FREM2: variants seen among roughly 807,000 people sequenced by gnomAD.
The protein encoded by FREM2 is FRAS1 related extracellular matrix 2, also known as FRAS1-related extracellular matrix protein 2.
A neutral mutation model predicts 219.9 loss-of-function variants in FREM2; 119 were observed. The observed-to-expected ratio is 0.54, with a 90% CI of 0.47 to 0.63. The LOEUF (loss-of-function observed/expected upper bound fraction) is 0.63, where lower values mean the gene tolerates loss of function less well. Among genes scored for constraint, FREM2 ranks in the 30% least tolerant of loss-of-function variants. The pLI is 0.00. For synonymous variants in FREM2, 1,562 were observed against 1,522.8 expected (o/e 1.03, Z -0.60); for missense variants, 4,030 against 3,993.6 (o/e 1.01, Z -0.25).
chr13:38,742,685 C>T (rs2137782409), intron 2 of FREM2, among the ~76,000 whole-genome samples: 1 of 152,250 alleles, frequency 6.6e-6, no homozygotes, highest in South Asian at 2.1e-4. Context: ...TGTGGGGCTT[C>T]CCAGTGAGGT....
At chr13:38,701,408 G>C (rs545533053) in intron 2 of FREM2, among the ~76,000 whole-genome samples, 1 of 152,168 alleles carries the variant, frequency 6.6e-6, no homozygotes, top group East Asian at 1.9e-4. Flanking sequence ...ATATCTTCAC[G>C]AAGGTAACTT....
rs149238813 is a variant in FREM2 at position 38,778,707 on chromosome 13, C to T, written c.5642-4363C>T. ...TAACCAATGAGTACTAGGCTTAACA[C>T]CTGGGTGATGAAATAATCTGTGCAG... is the stretch of plus-strand genomic sequence containing the variant. On this transcript the variant is annotated intron_variant, in intron 4 of 23. Coordinates refer to ENST00000280481, the MANE Select transcript of FREM2 (RefSeq NM_207361.6). Among the ~76,000 whole-genome samples, 834 of 152,176 alleles carry T rather than the reference C, an allele frequency of 5.5e-3. 8 individuals are homozygous for T. The highest frequency in any genetic ancestry group is 0.019 in the African/African-American group (769 of 41,512).
chr13:38,786,220 C>G (rs1874323736), intron 6 of FREM2, among the ~76,000 whole-genome samples: 1 of 152,150 alleles, frequency 6.6e-6, no homozygotes, highest in African/African-American at 2.4e-5. Context: ...CATCTTTCCT[C>G]CCTTCCCAGC....
At chr13:38,841,473 G>T (rs1173152999) in intron 6 of FREM2, among the ~76,000 whole-genome samples, 2 of 152,006 alleles carry the variant, frequency 1.3e-5, no homozygotes, top group Non-Finnish European at 2.9e-5. Context: ...TGGAGATGAG[G>T]CCCTAGCGTC....
At position 38,784,794 on chromosome 13, in the gene FREM2, C is replaced by T. The variant is rs141285991; in HGVS notation, c.6005C>T (p.Pro2002Leu). The T allele has an allele frequency of 5.0e-6, 8 of 1,614,134 alleles. No individual in the cohort carries two copies. The African/African-American group carries it at 1.1e-4, about 22-fold the overall frequency. The change falls in exon 6 of 24, where the codon CCT becomes CTT. Residue 2002 changes from proline (P) to leucine (L), a missense_variant. Physicochemically the swap from Pro to Leu is moderately conservative, Grantham distance 98. Coordinates refer to ENST00000280481, the MANE Select transcript of FREM2 (RefSeq NM_207361.6). The part of the protein sequence containing the change: ...EFPGAQVTIV[P>L]DKDDEPIFYF... ...CCAGGGGCTCAAGTTACAATCGTTC[C>T]TGACAAAGATGATGGTGAGTACTAA...
Position 38,883,217 on chromosome 13 carries a change from A to T in FREM2, c.*2430A>T, listed in dbSNP as rs1457951687. ...AAATATAAAGTACTTGGGATTTTGC[A>T]TTATTTTTCTTAATATCTATTTACT... On this transcript the variant is annotated 3_prime_UTR_variant, in exon 24 of 24. Coordinates refer to ENST00000280481, the MANE Select transcript of FREM2 (RefSeq NM_207361.6). 6.6e-6 allele frequency: 1 copy of T among 152,132 alleles called. No homozygotes were observed. Among genetic ancestry groups the T allele is most frequent in the South Asian group, 2.1e-4 (1 of 4,832 alleles). The allele number at this position is 152,132 out of a possible 1,614,324, so 9.4% of individuals were successfully genotyped here.
chr13:38,710,431 A>G (rs1870724679), intron 2 of FREM2, among the ~76,000 whole-genome samples: 1 of 152,186 alleles, frequency 6.6e-6, no homozygotes, highest in Non-Finnish European at 1.5e-5. Flanking sequence ...GAGCTCTTCT[A>G]GGCATTTTGG....
At chr13:38,841,604 A>G (rs1022459670) in intron 6 of FREM2, among the ~76,000 whole-genome samples, 1 of 151,910 alleles carries the variant, frequency 6.6e-6, no homozygotes, top group Non-Finnish European at 1.5e-5. Flanking sequence ...ATTTTGATTC[A>G]CTTTTCCTTC....
intron 6 of FREM2, among the ~76,000 whole-genome samples, chr13:38,791,292 G>A (rs1874549838): frequency 6.6e-6 from 1 of 152,184 alleles, no homozygotes; most frequent in South Asian, 2.1e-4. Flanking sequence ...TCAAGTGAGA[G>A]CATCAAGGAA....
Position 38,690,521 on chromosome 13 carries a change from C to A in FREM2, c.3177C>A (p.Ile1059=). The change falls in exon 1 of 24, where the codon ATC becomes ATA. Residue 1059 remains isoleucine, a synonymous_variant. Transcript: ENST00000280481. ...TIQGVTIWVT[I]LPVDSQAPEI... ...AAGGAGTTACTATATGGGTGACCAT[C>A]CTGCCTGTTGATAGCCAGGCCCCAG... 6.2e-7 allele frequency: 1 copy of A among 1,614,126 alleles called. No individual in the cohort carries two copies. The highest frequency in any genetic ancestry group is 1.1e-5 in the South Asian group (1 of 91,084).
At chr13:38,877,016 A>G (rs1352899072) in intron 20 of FREM2, 101 bp from the exon 21 acceptor site, 12 of 1,302,720 alleles carry the variant, frequency 9.2e-6, no homozygotes, top group Non-Finnish European at 1.2e-5. Context: ...TGCAGTGTTT[A>G]GTGTTCTACA....
rs117397429 is a variant in FREM2 at position 38,799,949 on chromosome 13, G to T, written c.6019+15141G>T. ...AGCCAGTCTGTATCTTTCAAGTGGA[G>T]AATTTAATCAATTTTCTTCCAAAAT... is the stretch of plus-strand genomic sequence containing the variant. On this transcript the variant is annotated intron_variant, in intron 6 of 23. Coordinates refer to ENST00000280481, the MANE Select transcript of FREM2 (RefSeq NM_207361.6). Among the ~76,000 whole-genome samples, 389 of 152,164 alleles carry T rather than the reference G, an allele frequency of 2.6e-3. 2 individuals are homozygous for T. The highest frequency in any genetic ancestry group is 0.01 in the Middle Eastern group (3 of 294).
At chr13:38,868,901 T>C (rs1469858303) in intron 16 of FREM2, among the ~76,000 whole-genome samples, 1 of 152,164 alleles carries the variant, frequency 6.6e-6, no homozygotes, top group Non-Finnish European at 1.5e-5. Context: ...CAGCACAGAC[T>C]CCATGTGCTT....
At chr13:38,840,721 T>G (rs201382737) in intron 6 of FREM2, among the ~76,000 whole-genome samples, 2 of 144,266 alleles carry the variant, frequency 1.4e-5, no homozygotes, top group East Asian at 2.0e-4. Flanking sequence ...CACACACAGA[T>G]ATATATATAT....
chr13:38,807,225 A>G lies in FREM2; in HGVS notation c.6019+22417A>G, dbSNP rs1353525555. ...TATATATATATATATATATATATAT[A>G]TATGTATGGTTTTGTTTTGTTTTGT... On this transcript the variant is annotated intron_variant, in intron 6 of 23. Coordinates refer to ENST00000280481, the MANE Select transcript of FREM2 (RefSeq NM_207361.6). Among the ~76,000 whole-genome samples the G allele has an allele frequency of 1.1e-3, 143 of 125,226 alleles. 2 individuals carry two copies. The highest frequency in any genetic ancestry group is 3.9e-3 in the African/African-American group (138 of 35,036). 82.2% of individuals were successfully genotyped at this position (125,226 alleles called of 152,430 possible).
intron 2 of FREM2, among the ~76,000 whole-genome samples, chr13:38,740,624 A>G (rs1392029326): frequency 2.0e-5 from 3 of 152,220 alleles, no homozygotes; most frequent in South Asian, 2.1e-4. Context: ...CTCTGATTTC[A>G]TTATAGCACC....
chr13:38,753,913 T>G (rs1028649397), intron 2 of FREM2, among the ~76,000 whole-genome samples: 20 of 152,300 alleles, frequency 1.3e-4, no homozygotes, highest in Middle Eastern at 3.4e-3. Context: ...TCTTCCTTCC[T>G]TTTCCCCCCT....
rs765399209 is a variant in FREM2, at chr13:38,859,276, G to A, written c.7216-11G>A. Reference sequence around the variant, plus strand: ...CACTCTGTTCCTAACACAGTCATTTGTTTTCCGTAGGCTTGCAACCCCAAA... The same window carrying A: ...CACTCTGTTCCTAACACAGTCATTTATTTTCCGTAGGCTTGCAACCCCAAA... On this transcript the variant is annotated splice_polypyrimidine_tract_variant and intron_variant, in intron 13 of 23. Transcript: ENST00000280481. 1.2e-6 allele frequency: 2 copies of A among 1,613,784 alleles called. No homozygotes were observed. Among genetic ancestry groups the A allele is most frequent in the African/African-American group, 2.7e-5 (2 of 74,916 alleles).
At chr13:38,812,938 A>C (rs1417066749) in intron 6 of FREM2, among the ~76,000 whole-genome samples, 1 of 151,524 alleles carries the variant, frequency 6.6e-6, no homozygotes, top group South Asian at 2.1e-4. Flanking sequence ...ACCCCACAAA[A>C]ACCTCTACCG....
Sources: allele counts gnomAD v4.1 joint callset (sites outside exome capture counted in the v4.1 genomes callset), GRCh38; gene constraint gnomAD v4.1.1; transcripts MANE v1.5; gene names NCBI Gene and HGNC (gene_info 2026-07-23, HGNC 2026-07-21).